The following DPYD variants were observed in gnomAD, a reference collection of about 807,000 sequenced individuals.
The protein encoded by DPYD is dihydropyrimidine dehydrogenase [NADP(+)].
A neutral mutation model predicts 116.2 loss-of-function variants in DPYD; 109 were observed. The ratio of observed to expected loss-of-function variants is 0.94; its 90% confidence interval spans 0.80 to 1.10. The LOEUF is 1.10. Among genes scored for constraint, DPYD ranks in the 50% least tolerant of loss-of-function variants. The pLI, the probability that DPYD is intolerant of heterozygous loss-of-function variation, is 0.00. For missense variants in DPYD, 1,302 were observed against 1,254.5 expected (o/e 1.04, Z -0.57); for synonymous variants, 440 against 432.0 (o/e 1.02, Z -0.23).
At chr1:97,373,999 T>C (rs941098492) in intron 15 of DPYD, among the ~76,000 whole-genome samples, 14 of 152,202 alleles carry the variant, frequency 9.2e-5, no homozygotes, top group Admixed American at 6.5e-4. Context: ...GCTTAGTTAT[T>C]AGGTGACACA....
chr1:97,141,681 T>C (rs566798541), intron 20 of DPYD, among the ~76,000 whole-genome samples: 1 of 152,192 alleles, frequency 6.6e-6, no homozygotes, highest in Admixed American at 6.6e-5. Flanking sequence ...TTATCTCTTT[T>C]ACTTAAATAT....
chr1:97,841,892 T>C (rs1198861351), intron 2 of DPYD, among the ~76,000 whole-genome samples: 1 of 152,004 alleles, frequency 6.6e-6, no homozygotes, highest in Non-Finnish European at 1.5e-5. Flanking sequence ...TGTATTTCAT[T>C]CACTACTGTA....
intron 3 of DPYD, among the ~76,000 whole-genome samples, chr1:97,782,760 T>A (rs562732342): frequency 6.6e-6 from 1 of 152,210 alleles, no homozygotes; most frequent in African/African-American, 2.4e-5. Flanking sequence ...TCTTAAATCA[T>A]TTATAAAGAG....
chr1:97,653,303 C>CTTT (rs753813558), intron 8 of DPYD, among the ~76,000 whole-genome samples: 4 of 140,174 alleles, frequency 2.9e-5, no homozygotes, highest in African/African-American at 5.2e-5. Flanking sequence ...TTTCTTTCTC[C>CTTT]TTTTTTTTTT....
intron 3 of DPYD, among the ~76,000 whole-genome samples, chr1:97,743,079 C>A (rs1245633651): frequency 6.6e-6 from 1 of 152,108 alleles, no homozygotes; most frequent in Non-Finnish European, 1.5e-5. Context: ...TTATATTCAA[C>A]ATAAACAGAT....
At chr1:97,323,893 G>T (rs28468570) in intron 16 of DPYD, among the ~76,000 whole-genome samples, 1 of 151,384 alleles carries the variant, frequency 6.6e-6, no homozygotes, top group South Asian at 2.1e-4. Flanking sequence ...TCCCCATTTC[G>T]CAAGTCTTTG....
chr1:97,224,319 CCCA>C, intron 19 of DPYD, among the ~76,000 whole-genome samples: 1 of 151,976 alleles, frequency 6.6e-6, no homozygotes, highest in Middle Eastern at 3.2e-3. Context: ...ATCTGGAGTA[CCCA>C]GATTACTCTC....
intron 3 of DPYD, among the ~76,000 whole-genome samples, chr1:97,822,906 C>T (rs370241716): frequency 4.6e-4 from 70 of 152,308 alleles, no homozygotes; most frequent in African/African-American, 1.6e-3. Context: ...CTACTGAGTT[C>T]CCAATTTTTA....
chr1:97,770,667 A>C (rs1467760058), intron 3 of DPYD, among the ~76,000 whole-genome samples: 1 of 152,210 alleles, frequency 6.6e-6, no homozygotes, highest in Non-Finnish European at 1.5e-5. Flanking sequence ...CTGACTAGAT[A>C]ATATAACAAT....
intron 3 of DPYD, among the ~76,000 whole-genome samples, chr1:97,821,857 A>G (rs1571415140): frequency 6.6e-6 from 1 of 152,122 alleles, no homozygotes; most frequent in East Asian, 1.9e-4. Flanking sequence ...TTCATAAATT[A>G]CAAAGCATTC....
At chr1:97,736,076 A>G (rs1001878731) in intron 4 of DPYD, among the ~76,000 whole-genome samples, 1 of 152,072 alleles carries the variant, frequency 6.6e-6, no homozygotes, top group African/African-American at 2.4e-5. Flanking sequence ...CAGTTTCAAT[A>G]ATTGCAAAGA....
At chr1:97,511,039 C>A (rs1185351550) in intron 13 of DPYD, among the ~76,000 whole-genome samples, 1 of 151,866 alleles carries the variant, frequency 6.6e-6, no homozygotes, top group Non-Finnish European at 1.5e-5. Context: ...TCTTGATCCC[C>A]AGGGATCCAA....
chr1:97,171,076 T>C (rs563772555), intron 20 of DPYD, among the ~76,000 whole-genome samples: 3 of 152,308 alleles, frequency 2.0e-5, no homozygotes, highest in Admixed American at 2.0e-4. Flanking sequence ...CATGGAGTCA[T>C]AACCCAAGTT....
chr1:97,721,022 A>G, intron 5 of DPYD: 1 of 1,482,296 alleles, frequency 6.7e-7, no homozygotes, highest in Non-Finnish European at 9.1e-7. Flanking sequence ...AAGTTCACAA[A>G]ATCTAATGAC....
At chr1:97,889,197 A>G (rs1445439999) in intron 1 of DPYD, among the ~76,000 whole-genome samples, 1 of 152,040 alleles carries the variant, frequency 6.6e-6, no homozygotes, top group African/African-American at 2.4e-5. Context: ...AAAAAGTGAA[A>G]AAAATAAAAT....
chr1:97,518,928 C>T (rs2811177), intron 12 of DPYD, among the ~76,000 whole-genome samples: 94,095 of 151,868 alleles, frequency 0.62, 29,301 homozygotes, highest in East Asian at 0.75. Context: ...TGGAAAAACA[C>T]ATATATCTAT....
At chr1:97,711,527 TTGTAAGTCAGGGAC>T (rs1323281517) in intron 5 of DPYD, among the ~76,000 whole-genome samples, 2 of 152,004 alleles carry the variant, frequency 1.3e-5, no homozygotes, top group African/African-American at 4.8e-5. Context: ...AGTTGAATCA[TTGTAAGTCAGGGAC>T]TATAAGTCAC....
intron 18 of DPYD, among the ~76,000 whole-genome samples, chr1:97,272,421 C>T (rs758390465): frequency 5.9e-5 from 9 of 152,092 alleles, no homozygotes; most frequent in Non-Finnish European, 1.0e-4. Flanking sequence ...CTGACAAATA[C>T]TAAAATAGAT....
At chr1:97,914,482 C>T (rs1232591298) in intron 1 of DPYD, among the ~76,000 whole-genome samples, 1 of 151,946 alleles carries the variant, frequency 6.6e-6, no homozygotes, top group Non-Finnish European at 1.5e-5. Context: ...TATGAGAATG[C>T]CAAAAAATAA....
Sources: allele counts gnomAD v4.1 joint callset (sites outside exome capture counted in the v4.1 genomes callset), GRCh38; gene constraint gnomAD v4.1.1; transcripts MANE v1.5; gene names NCBI Gene and HGNC (gene_info 2026-07-23, HGNC 2026-07-21).